CADPS2: variants seen among roughly 807,000 people sequenced by gnomAD.
CADPS2 encodes the protein calcium-dependent secretion activator 2.
A neutral mutation model predicts 172.5 loss-of-function variants in CADPS2; 93 were observed. The ratio of observed to expected loss-of-function variants is 0.54; its 90% CI spans 0.46 to 0.64. The LOEUF (loss-of-function observed/expected upper bound fraction) is 0.64, where lower values mean the gene tolerates loss of function less well. Among genes scored for constraint, CADPS2 ranks in the 30% least tolerant of loss-of-function variants. The probability of loss-of-function intolerance (pLI) is 0.00; values close to 1 mark genes in which losing one functional copy is unlikely to be tolerated. For missense variants in CADPS2, 1,420 were observed against 1,565.9 expected (o/e 0.91, Z 1.57); for synonymous variants, 546 against 555.2 (o/e 0.98, Z 0.23).
chr7:122,590,634 G>A (rs560520809), intron 6 of CADPS2, among the ~76,000 whole-genome samples: 3 of 151,718 alleles, frequency 2.0e-5, no homozygotes, highest in African/African-American at 7.3e-5. Flanking sequence ...ATCAGAGACA[G>A]ATTTCTAAGG....
intron 17 of CADPS2, chr7:122,421,900 G>C (rs985001998): frequency 6.6e-6 from 1 of 152,186 alleles, no homozygotes; most frequent in African/African-American, 2.4e-5. Context: ...ATGTGTTCGA[G>C]TTTAGAAAGC....
chr7:122,855,194 A>G (rs1456138706), intron 1 of CADPS2, among the ~76,000 whole-genome samples: 2 of 152,194 alleles, frequency 1.3e-5, no homozygotes, highest in South Asian at 2.1e-4. Context: ...TTTCTTTAGT[A>G]TAGTAGTAGT....
At position 122,596,714 on chromosome 7, in the gene CADPS2, C is replaced by T. The variant is rs73719714; in HGVS notation, c.1224-15424G>A. Among the ~76,000 whole-genome samples the T allele has an allele frequency of 7.7e-3, 1,173 of 152,158 alleles. 16 individuals carry two copies. Among genetic ancestry groups the T allele is most frequent in the African/African-American group, 0.027 (1,133 of 41,530 alleles). On this transcript the variant is annotated intron_variant, in intron 6 of 29. Transcript: ENST00000449022. ...CACATTACATATTCAAGACAGAAGACAATGATGTGCAGAAATAACACAGAC... is the reference window on the plus strand; with the variant it reads ...CACATTACATATTCAAGACAGAAGATAATGATGTGCAGAAATAACACAGAC...
intron 7 of CADPS2, among the ~76,000 whole-genome samples, chr7:122,557,229 C>G (rs545411694): frequency 1.4e-4 from 22 of 152,230 alleles, no homozygotes; most frequent in Admixed American, 7.2e-4. Context: ...TGGTCATACT[C>G]CTTTATCCAA....
At chr7:122,549,384 C>T (rs953772912) in intron 8 of CADPS2, among the ~76,000 whole-genome samples, 1 of 152,114 alleles carries the variant, frequency 6.6e-6, no homozygotes, top group Non-Finnish European at 1.5e-5. Flanking sequence ...TGACTCAATA[C>T]TTACCGTCTA....
intron 2 of CADPS2, among the ~76,000 whole-genome samples, chr7:122,672,365 G>A (rs533808998): frequency 6.6e-6 from 1 of 152,232 alleles, no homozygotes; most frequent in South Asian, 2.1e-4. Context: ...GTGAAATTCT[G>A]CCTGGAGTAC....
At chr7:122,801,137 T>C (rs1589279411) in intron 1 of CADPS2, among the ~76,000 whole-genome samples, 2 of 151,982 alleles carry the variant, frequency 1.3e-5, no homozygotes, top group Non-Finnish European at 2.9e-5. Context: ...AGAAATGCTA[T>C]AAGCCAAAGC....
intron 2 of CADPS2, among the ~76,000 whole-genome samples, chr7:122,677,860 AT>A (rs2082549881): frequency 6.6e-6 from 1 of 152,170 alleles, no homozygotes; most frequent in Non-Finnish European, 1.5e-5. Flanking sequence ...ATTGGTAAGG[AT>A]TAGGCAGGAG....
chr7:122,485,299 T>G (rs559048384), intron 11 of CADPS2, among the ~76,000 whole-genome samples: 2 of 152,218 alleles, frequency 1.3e-5, no homozygotes, highest in African/African-American at 4.8e-5. Flanking sequence ...GCGAGGCCTT[T>G]TGCACCAAGT....
At chr7:122,484,524 C>T (rs139032335) in intron 11 of CADPS2, among the ~76,000 whole-genome samples, 2 of 142,994 alleles carry the variant, frequency 1.4e-5, no homozygotes, top group East Asian at 2.1e-4. Flanking sequence ...AAAATGTAAA[C>T]GCCAAAATTG....
At chr7:122,375,074 T>C (rs549101468) in intron 25 of CADPS2, among the ~76,000 whole-genome samples, 82 of 152,118 alleles carry the variant, frequency 5.4e-4, no homozygotes, top group Non-Finnish European at 2.4e-4. Context: ...AAAAATCCCA[T>C]GTTCATGAAT....
intron 3 of CADPS2, among the ~76,000 whole-genome samples, chr7:122,644,546 C>T (rs959549454): frequency 3.3e-5 from 5 of 152,134 alleles, no homozygotes; most frequent in African/African-American, 1.2e-4. Flanking sequence ...TAATGGTGAA[C>T]GACTTGCGTT....
At chr7:122,566,246 T>A (rs2066456177) in intron 7 of CADPS2, among the ~76,000 whole-genome samples, 1 of 152,124 alleles carries the variant, frequency 6.6e-6, no homozygotes. Flanking sequence ...AGAATGGCTA[T>A]TATCAACAAG....
At chr7:122,811,551 T>C (rs1225459412) in intron 1 of CADPS2, among the ~76,000 whole-genome samples, 1 of 152,206 alleles carries the variant, frequency 6.6e-6, no homozygotes, top group Non-Finnish European at 1.5e-5. Flanking sequence ...CATTTTAGTA[T>C]TTAACTAAGA....
chr7:122,634,236 C>T (rs1159252884), intron 3 of CADPS2, among the ~76,000 whole-genome samples: 2 of 152,072 alleles, frequency 1.3e-5, no homozygotes, highest in Non-Finnish European at 2.9e-5. Flanking sequence ...AGGATTGGTA[C>T]CGGTTCTTCT....
rs554598906 is a variant in CADPS2 at position 122,451,340 on chromosome 7, A to C, written c.2288+34T>G. On this transcript the variant is annotated intron_variant, in intron 15 of 29. Coordinates refer to ENST00000449022, the MANE Select transcript of CADPS2 (RefSeq NM_017954.11). ...GAAGTAAGGGTTGAGTAAAGTATGA[A>C]AAGAAATATTTATATTAATAAAAAA... The C allele has an allele frequency of 2.2e-4, 254 of 1,144,270 alleles. 4 individuals are homozygous for C. In the South Asian group the frequency reaches 4.6e-3, roughly 21 times the overall value. 70.9% of individuals were successfully genotyped at this position (1,144,270 alleles called of 1,614,324 possible). A position where few individuals can be genotyped will look rare whatever the true frequency, so the allele number is the denominator to read the frequency against.
At chr7:122,672,308 G>A (rs112861615) in intron 2 of CADPS2, among the ~76,000 whole-genome samples, 6 of 152,268 alleles carry the variant, frequency 3.9e-5, no homozygotes, top group African/African-American at 7.2e-5. Flanking sequence ...GTCTCCAGGC[G>A]TCGGTGGTCA....
chr7:122,715,410 T>A (rs1261338284), intron 2 of CADPS2, among the ~76,000 whole-genome samples: 2 of 152,102 alleles, frequency 1.3e-5, no homozygotes, highest in East Asian at 3.9e-4. Context: ...CTTGAGCTTG[T>A]GAATAAGACA....
At chr7:122,711,561 A>G (rs2088727673) in intron 2 of CADPS2, among the ~76,000 whole-genome samples, 1 of 152,120 alleles carries the variant, frequency 6.6e-6, no homozygotes, top group Non-Finnish European at 1.5e-5. Context: ...ACCCCAAGTG[A>G]CAGTTGAATC....
Sources: allele counts gnomAD v4.1 joint callset (sites outside exome capture counted in the v4.1 genomes callset), GRCh38; gene constraint gnomAD v4.1.1; transcripts MANE v1.5; gene names NCBI Gene and HGNC (gene_info 2026-07-23, HGNC 2026-07-21).